ZCWPW2: variants seen among roughly 807,000 people sequenced by gnomAD.
ZCWPW2 encodes zinc finger CW-type and PWWP domain containing 2, also known as zinc finger CW-type PWWP domain protein 2.
A neutral mutation model predicts 46.6 loss-of-function variants in ZCWPW2; 45 were observed. The ratio of observed to expected loss-of-function variants is 0.96; its 90% CI spans 0.76 to 1.24. The LOEUF (loss-of-function observed/expected upper bound fraction) is 1.24. Ranked by LOEUF, ZCWPW2 falls within the 50% of genes most tolerant of loss-of-function variation. The pLI, the probability that ZCWPW2 is intolerant of heterozygous loss-of-function variation, is 0.00. For missense variants in ZCWPW2, 429 were observed against 403.9 expected, an observed-to-expected ratio of 1.06 and a Z score of -0.53; for synonymous variants, 152 against 137.1, an observed-to-expected ratio of 1.11 and a Z score of -0.76.
At chr3:28,408,502 TCTAGATAA>T (rs1443690044) in intron 2 of ZCWPW2, among the ~76,000 whole-genome samples, 30 of 152,332 alleles carry the variant, frequency 2.0e-4, no homozygotes, top group African/African-American at 7.2e-4. Flanking sequence ...AATAGTTTAA[TCTAGATAA>T]TATATTCTAT....
At chr3:28,476,549 G>A (rs529497393) in intron 4 of ZCWPW2, among the ~76,000 whole-genome samples, 89 of 152,172 alleles carry the variant, frequency 5.8e-4, no homozygotes, top group African/African-American at 2.0e-3. Flanking sequence ...TTTCTGTAGG[G>A]CAGCAGTCTC....
In ZCWPW2 at chr3:28,516,085, C is replaced by T. The variant is rs548337340; in HGVS notation, c.784+464C>T. Among the ~76,000 whole-genome samples the T allele has an allele frequency of 6.7e-4, 102 of 151,788 alleles. 1 individual carries two copies. Among genetic ancestry groups the T allele is most frequent in the African/African-American group, 2.3e-3 (95 of 41,408 alleles). ...GTGAAACCGGTCTCAACTAAAAATA[C>T]AAAAATTAGCTGGCCGTGGTGGCAT... On this transcript the variant is annotated intron_variant, in intron 8 of 9. Coordinates refer to ENST00000383768, the MANE Select transcript of ZCWPW2 (RefSeq NM_001040432.4).
Position 28,413,418 on chromosome 3 carries a change from T to G in ZCWPW2, c.332+18T>G, listed in dbSNP as rs1183167015. 6.4e-7 allele frequency: 1 copy of G among 1,570,982 alleles called. No homozygotes were observed. The highest frequency in any genetic ancestry group is 1.8e-5 in the Admixed American group (1 of 54,826). On this transcript the variant is annotated intron_variant, in intron 3 of 9. Transcript: ENST00000383768. ...TGGCCAAGGTAAGGTTTGTGTAGTT[T>G]TATGACTTTTGAAATGTAGTCTTGC...
At chr3:28,431,058 T>C (rs1697234257) in intron 3 of ZCWPW2, among the ~76,000 whole-genome samples, 1 of 152,222 alleles carries the variant, frequency 6.6e-6, no homozygotes, top group South Asian at 2.1e-4. Context: ...CAATTGATAA[T>C]TTAACAGATT....
chr3:28,493,643 A>G (rs1699901614), intron 6 of ZCWPW2, among the ~76,000 whole-genome samples: 1 of 73,408 alleles, frequency 1.4e-5, no homozygotes, highest in Admixed American at 1.8e-4. Context: ...AGCATGATTT[A>G]TAGTCATTTG....
At chr3:28,430,107 ACT>A (rs1273729074) in intron 3 of ZCWPW2, among the ~76,000 whole-genome samples, 3 of 152,196 alleles carry the variant, frequency 2.0e-5, no homozygotes, top group Non-Finnish European at 4.4e-5. Flanking sequence ...TGGTAGATCC[ACT>A]GACAGCTTGC....
At chr3:28,401,445 A>G (rs1470352526) in intron 2 of ZCWPW2, among the ~76,000 whole-genome samples, 1 of 152,142 alleles carries the variant, frequency 6.6e-6, no homozygotes, top group East Asian at 1.9e-4. Context: ...AACAATTACT[A>G]ATAGACCTAA....
At chr3:28,365,574 G>T (rs1291535844) in intron 1 of ZCWPW2, among the ~76,000 whole-genome samples, 2 of 140,882 alleles carry the variant, frequency 1.4e-5, no homozygotes, top group East Asian at 3.9e-4. Flanking sequence ...TTGAAGTCAG[G>T]TAGCGTGATG....
chr3:28,414,200 A>C (rs1339930572), intron 3 of ZCWPW2, among the ~76,000 whole-genome samples: 2 of 150,786 alleles, frequency 1.3e-5, no homozygotes, highest in Non-Finnish European at 3.0e-5. Flanking sequence ...TCTCTTTTCA[A>C]TTTTTATAAA....
At chr3:28,352,096 A>T in intron 1 of ZCWPW2, among the ~76,000 whole-genome samples, 1 of 138,384 alleles carries the variant, frequency 7.2e-6, no homozygotes, top group African/African-American at 2.8e-5. Flanking sequence ...TTGTCTCCTT[A>T]CCCCTCCTTT....
intron 5 of ZCWPW2, 137 bp from the exon 6 acceptor site, chr3:28,491,986 TATTA>T: frequency 1.3e-6 from 1 of 756,244 alleles, no homozygotes; most frequent in Non-Finnish European, 2.2e-6. Context: ...TTTACTAGCA[TATTA>T]ATTAAAGGGA....
intron 4 of ZCWPW2, among the ~76,000 whole-genome samples, chr3:28,444,115 C>G (rs898043112): frequency 6.6e-6 from 1 of 152,186 alleles, no homozygotes; most frequent in African/African-American, 2.4e-5. Context: ...TCAGCCTGAT[C>G]AAATTCTGTC....
chr3:28,498,711 A>T (rs1459400426), intron 6 of ZCWPW2, among the ~76,000 whole-genome samples: 1 of 151,904 alleles, frequency 6.6e-6, no homozygotes, highest in Non-Finnish European at 1.5e-5. Context: ...CAGGTTTGTT[A>T]CATAGGTATA....
At chr3:28,414,035 A>G (rs918564202) in intron 3 of ZCWPW2, among the ~76,000 whole-genome samples, 1 of 152,048 alleles carries the variant, frequency 6.6e-6, no homozygotes, top group Non-Finnish European at 1.5e-5. Context: ...CTTTCAGTAT[A>G]TAACTTCAAG....
chr3:28,400,176 G>C (rs1181239092), intron 2 of ZCWPW2, among the ~76,000 whole-genome samples: 2 of 151,950 alleles, frequency 1.3e-5, no homozygotes, highest in Non-Finnish European at 2.9e-5. Flanking sequence ...ACAAGTAGAA[G>C]AAAGAAATTC....
chr3:28,497,108 G>T (rs1400350356), intron 6 of ZCWPW2, among the ~76,000 whole-genome samples: 1 of 149,816 alleles, frequency 6.7e-6, no homozygotes, highest in Non-Finnish European at 1.5e-5. Flanking sequence ...AAACTGTTAA[G>T]ATTTTCAACC....
intron 6 of ZCWPW2, among the ~76,000 whole-genome samples, chr3:28,509,991 A>T (rs1306172903): frequency 6.6e-6 from 1 of 152,168 alleles, no homozygotes; most frequent in Non-Finnish European, 1.5e-5. Context: ...TTTATGTATG[A>T]TGTGAGGTAC....
chr3:28,426,245 T>G (rs1416719776), intron 3 of ZCWPW2, among the ~76,000 whole-genome samples: 1 of 151,904 alleles, frequency 6.6e-6, no homozygotes, highest in African/African-American at 2.4e-5. Flanking sequence ...AGCAGTCTTG[T>G]TTTTTTAAAA....
chr3:28,390,478 T>A lies in ZCWPW2; in HGVS notation c.-133-20T>A, dbSNP rs1289704952. ...ATTATATAGTTTTAAATTTGCTAGA[T>A]TGATGTATAACTTCTTCAGATTCAT... is the stretch of plus-strand genomic sequence containing the variant. On this transcript the variant is annotated intron_variant, in intron 1 of 9. Coordinates refer to ENST00000383768, the MANE Select transcript of ZCWPW2 (RefSeq NM_001040432.4). 1 of 985,028 alleles carries A rather than the reference T, an allele frequency of 1.0e-6. No homozygotes were observed. Among genetic ancestry groups the A allele is most frequent in the East Asian group, 1.1e-4 (1 of 8,814 alleles). The allele number at this position is 985,028 out of a possible 1,614,324, so 61.0% of individuals were successfully genotyped here.
Sources: allele counts gnomAD v4.1 joint callset (sites outside exome capture counted in the v4.1 genomes callset), GRCh38; gene constraint gnomAD v4.1.1; transcripts MANE v1.5; gene names NCBI Gene and HGNC (gene_info 2026-07-23, HGNC 2026-07-21).